Variants in CLEC4C observed in about 807,000 individuals in gnomAD.
The protein encoded by CLEC4C is C-type (calcium dependent, carbohydrate-recognition domain) lectin, superfamily member 11.
CLEC4C carries 17 observed loss-of-function variants against 27.7 expected under a neutral mutation model. The observed-to-expected ratio is 0.61, with a 90% CI of 0.42 to 0.92. CLEC4C has a LOEUF of 0.92. Ranked by LOEUF, CLEC4C falls within the 40% of genes least tolerant of loss-of-function variation. The pLI is 0.00. For synonymous variants in CLEC4C, 80 were observed against 80.8 expected (o/e 0.99, Z 0.06); for missense variants, 244 against 257.3 (o/e 0.95, Z 0.35).
intron 3 of CLEC4C, 89 bp from the exon 4 acceptor site, chr12:7,737,663 AG>A: frequency 3.2e-6 from 4 of 1,268,840 alleles, no homozygotes; most frequent in Non-Finnish European, 4.4e-6. Context: ...AGGTTTAATT[AG>A]TTTTCACCTA....
intron 2 of CLEC4C, among the ~76,000 whole-genome samples, chr12:7,745,753 T>G (rs1412175772): frequency 6.6e-6 from 1 of 151,950 alleles, no homozygotes. Flanking sequence ...TATTTTGTTA[T>G]GGCAGCCCAA....
Position 7,729,395 on chromosome 12 carries a change from A to G in CLEC4C, c.*201T>C, listed in dbSNP as rs1864535122. ...GCACATAGAAAAATGTTCACTAAAC[A>G]CTCATTTTATGAATGAATAAATGAA... On this transcript the variant is annotated 3_prime_UTR_variant, in exon 6 of 6. Coordinates refer to ENST00000360345, the MANE Select transcript of CLEC4C (RefSeq NM_001371390.1). The G allele has an allele frequency of 7.5e-6, 4 of 531,576 alleles. No homozygotes were observed. Among genetic ancestry groups the G allele is most frequent in the Non-Finnish European group, 1.3e-5 (4 of 308,070 alleles). 32.9% of individuals were successfully genotyped at this position (531,576 alleles called of 1,614,324 possible).
intron 2 of CLEC4C, among the ~76,000 whole-genome samples, chr12:7,741,905 G>A (rs756574870): frequency 1.7e-4 from 26 of 151,920 alleles, no homozygotes; most frequent in Non-Finnish European, 3.1e-4. Flanking sequence ...CCTATAATCC[G>A]AGCTACTTGG....
At chr12:7,741,784 G>A (rs537013259) in intron 2 of CLEC4C, among the ~76,000 whole-genome samples, 16 of 151,818 alleles carry the variant, frequency 1.1e-4, no homozygotes, top group Non-Finnish European at 2.2e-4. Context: ...TAATCCCAGC[G>A]CTTTGGGAGG....
chr12:7,741,491 C>T lies in CLEC4C; in HGVS notation c.165G>A (p.Leu55=). ...NFMYSKTVKR[L]SKLREYQQYH... ...ACTGTTGATACTCTCGTAACTTGGA[C>T]AGCCTCTTGACAGTTTTGCTATACA... The change falls in exon 3 of 6, where the codon CTG becomes CTA. Residue 55 remains leucine (L), a synonymous_variant. Transcript: ENST00000360345. 1 of 1,612,368 alleles carries T rather than the reference C, an allele frequency of 6.2e-7. No individual in the cohort carries two copies. Among genetic ancestry groups the T allele is most frequent in the East Asian group, 2.2e-5 (1 of 44,876 alleles).
At chr12:7,747,394 G>A, upstream of CLEC4C, 1 of 1,599,540 alleles carries the variant, frequency 6.3e-7, no homozygotes, top group Non-Finnish European at 8.6e-7. Flanking sequence ...GGTGGGTGCA[G>A]AAGCTCTTGT....
intron 3 of CLEC4C, among the ~76,000 whole-genome samples, chr12:7,738,748 G>C (rs1864783226): frequency 6.6e-6 from 1 of 152,100 alleles, no homozygotes; most frequent in African/African-American, 2.4e-5. Flanking sequence ...GTGATCCACT[G>C]GCCTCAGCTG....
chr12:7,730,576 G>A (rs1299770933), intron 5 of CLEC4C, among the ~76,000 whole-genome samples: 1 of 151,144 alleles, frequency 6.6e-6, no homozygotes, highest in Non-Finnish European at 1.5e-5. Context: ...GGAGGCAGAG[G>A]TTGCAGTGAG....
chr12:7,740,805 G>A (rs1218333520), intron 3 of CLEC4C, among the ~76,000 whole-genome samples: 3 of 151,232 alleles, frequency 2.0e-5, no homozygotes, highest in Non-Finnish European at 4.4e-5. Flanking sequence ...AAGTGAGACA[G>A]TTCTGAGGAC....
chr12:7,739,074 T>C (rs1217923568), intron 3 of CLEC4C, among the ~76,000 whole-genome samples: 1 of 151,834 alleles, frequency 6.6e-6, no homozygotes, highest in South Asian at 2.1e-4. Flanking sequence ...GTCATCTTTT[T>C]ACCTCTCACA....
chr12:7,743,995 G>A (rs190824687), intron 2 of CLEC4C, among the ~76,000 whole-genome samples: 1 of 152,282 alleles, frequency 6.6e-6, no homozygotes, highest in Non-Finnish European at 1.5e-5. Context: ...CATGGCAAGA[G>A]AGGGTGCAAG....
Position 7,732,826 on chromosome 12 carries a change from T to C in CLEC4C, c.382-1914A>G, listed in dbSNP as rs769798875. 8.5e-4 allele frequency among the ~76,000 whole-genome samples: 128 copies of C among 150,010 alleles called. 2 individuals are homozygous for C. Among genetic ancestry groups the C allele is most frequent in the African/African-American group, 3.0e-3 (123 of 40,818 alleles). On this transcript the variant is annotated intron_variant, in intron 4 of 5. Transcript: ENST00000360345. ...AATACAAAAAATTAGCCGGGCATGG[T>C]GGCAGGCAGCTACTCAGGAGGCTGA...
At position 7,729,733 on chromosome 12, in the gene CLEC4C, G is replaced by T; in HGVS notation, c.505C>A (p.His169Asn). 1.2e-6 allele frequency: 2 copies of T among 1,613,634 alleles called. No homozygotes were observed. Among genetic ancestry groups the T allele is most frequent in the Non-Finnish European group, 1.7e-6 (2 of 1,179,754 alleles). The change falls in exon 6 of 6, where the codon CAC (histidine) becomes AAC (asparagine). Residue 169 changes from histidine (H) to asparagine (N), a missense_variant. Coordinates refer to ENST00000360345, the MANE Select transcript of CLEC4C (RefSeq NM_001371390.1). ...TPYNENVTFW[H>N]SGEPNNLDER... is the part of the protein sequence containing the mutation. ...TCAAGGTTATTGGGTTCACCTGAGT[G>T]CCAGAATCTGAAAGGTAGATAAAGG...
intron 5 of CLEC4C, among the ~76,000 whole-genome samples, chr12:7,730,561 A>G (rs1346758016): frequency 6.6e-6 from 1 of 151,470 alleles, no homozygotes; most frequent in Non-Finnish European, 1.5e-5. Context: ...AATCACTTGA[A>G]CCCAGGAGGC....
intron 3 of CLEC4C, among the ~76,000 whole-genome samples, chr12:7,741,171 G>T (rs749648160): frequency 2.0e-5 from 3 of 152,124 alleles, no homozygotes; most frequent in Admixed American, 6.6e-5. Context: ...CCGCATGTTG[G>T]TCAGGCTGGT....
intron 4 of CLEC4C, 103 bp downstream of exon 4, chr12:7,737,323 AGTT>A: frequency 1.1e-6 from 1 of 911,752 alleles, no homozygotes; most frequent in Admixed American, 2.9e-5. Flanking sequence ...TTTACCCAGA[AGTT>A]TTTTTTTTTT....
chr12:7,747,263 C>T (rs763184139), intron 1 of CLEC4C, 55 bp downstream of exon 1: 153 of 1,529,074 alleles, frequency 1.0e-4, no homozygotes, highest in Middle Eastern at 3.4e-4. Flanking sequence ...ATGCCTGTTT[C>T]CCACTCCATC....
chr12:7,729,400 T>C lies in CLEC4C; in HGVS notation c.*196A>G. On this transcript the variant is annotated 3_prime_UTR_variant, in exon 6 of 6. Transcript: ENST00000360345. The stretch of plus-strand genomic sequence containing the variant: ...TAGAAAAATGTTCACTAAACACTCA[T>C]TTTATGAATGAATAAATGAATAAAT... 1 of 519,522 alleles carries C rather than the reference T, an allele frequency of 1.9e-6. No individual in the cohort carries two copies. Among genetic ancestry groups the C allele is most frequent in the Non-Finnish European group, 3.3e-6 (1 of 304,470 alleles). 32.2% of individuals were successfully genotyped at this position (519,522 alleles called of 1,614,324 possible). A position where few individuals can be genotyped will look rare whatever the true frequency, so the allele number is the denominator to read the frequency against.
In CLEC4C at chr12:7,729,394, CA is replaced by C; in HGVS notation, c.*201del. On this transcript the variant is annotated 3_prime_UTR_variant, in exon 6 of 6. Coordinates refer to ENST00000360345, the MANE Select transcript of CLEC4C (RefSeq NM_001371390.1). ...GGCACATAGAAAAATGTTCACTAAA[CA>C]CTCATTTTATGAATGAATAAATGAA... is the stretch of plus-strand genomic sequence containing the variant. 1 of 528,546 alleles carries C rather than the reference CA, an allele frequency of 1.9e-6. No homozygotes were observed. Among genetic ancestry groups the C allele is most frequent in the Non-Finnish European group, 3.3e-6 (1 of 305,960 alleles). 32.7% of individuals were successfully genotyped at this position (528,546 alleles called of 1,614,324 possible). A position where few individuals can be genotyped will look rare whatever the true frequency, so the allele number is the denominator to read the frequency against.
Sources: gnomAD v4.1 joint callset for allele counts (sites outside exome capture counted in the v4.1 genomes callset) on GRCh38, gnomAD v4.1.1 for gene constraint, MANE v1.5 for transcripts, NCBI Gene and HGNC (gene_info 2026-07-23, HGNC 2026-07-21) for gene names.